FAM153A: variants seen among roughly 807,000 people sequenced by gnomAD.
The protein encoded by FAM153A is protein FAM153A.
A neutral mutation model predicts 48.1 loss-of-function variants in FAM153A; 12 were observed. The ratio of observed to expected loss-of-function variants is 0.25; its 90% CI spans 0.16 to 0.40. The LOEUF (loss-of-function observed/expected upper bound fraction) is 0.40. Ranked by LOEUF, FAM153A falls within the 10% of genes least tolerant of loss-of-function variation. The probability of loss-of-function intolerance (pLI) is 1.00; values close to 1 mark genes in which losing one functional copy is unlikely to be tolerated. For missense variants in FAM153A, 111 were observed against 345.8 expected, an observed-to-expected ratio of 0.32 and a Z score of 5.38; for synonymous variants, 36 against 118.2, an observed-to-expected ratio of 0.30 and a Z score of 4.51.
downstream of FAM153A, among the ~76,000 whole-genome samples, chr5:177,709,663 GT>G (rs1202003911): frequency 3.1e-5 from 4 of 129,718 alleles, no homozygotes; most frequent in Admixed American, 7.9e-5. Context: ...GCCCGGCTGG[GT>G]TTTTTTTTTG....
At chr5:177,699,378 G>A in the FAM153A span, among the ~76,000 whole-genome samples, 161 of 151,244 alleles carry the variant, frequency 1.1e-3, 1 homozygote, top group African/African-American at 3.6e-3. Context: ...GAAAAACAAT[G>A]GAAAAAAATA....
chr5:177,760,894 A>AT (rs1169482462), intron 1 of FAM153A, among the ~76,000 whole-genome samples: 2 of 143,252 alleles, frequency 1.4e-5, no homozygotes, highest in East Asian at 4.2e-4. Flanking sequence ...TTATTTTTAA[A>AT]TAAAAAAAAC....
At chr5:177,719,004 C>T (rs1760501264), downstream of FAM153A, among the ~76,000 whole-genome samples, 1 of 151,450 alleles carries the variant, frequency 6.6e-6, no homozygotes, top group African/African-American at 2.4e-5. Flanking sequence ...CCTCAGCCTC[C>T]CGAGTAACTG....
At chr5:177,749,670 C>T (rs1485161430) in intron 2 of FAM153A, among the ~76,000 whole-genome samples, 3 of 120,748 alleles carry the variant, frequency 2.5e-5, no homozygotes, top group African/African-American at 6.5e-5. Context: ...AGTGTCTATA[C>T]CCACAAATTT....
chr5:177,756,116 G>T (rs943166246), upstream of FAM153A, among the ~76,000 whole-genome samples: 2 of 150,514 alleles, frequency 1.3e-5, no homozygotes, highest in African/African-American at 5.0e-5. Flanking sequence ...ACACACACAG[G>T]CTCAGAATAA....
At chr5:177,715,476 T>G (rs1759523072) in intron 25 of FAM153A, among the ~76,000 whole-genome samples, 1 of 151,608 alleles carries the variant, frequency 6.6e-6, no homozygotes, top group East Asian at 1.9e-4. Context: ...AAAGACAATA[T>G]TTTATGAAAT....
the FAM153A span, among the ~76,000 whole-genome samples, chr5:177,701,715 A>G: frequency 6.6e-6 from 1 of 151,826 alleles, no homozygotes; most frequent in Non-Finnish European, 1.5e-5. Context: ...GCAGCTTTGG[A>G]ACTGGGTAAC....
the FAM153A span, among the ~76,000 whole-genome samples, chr5:177,702,633 C>T: frequency 6.6e-6 from 1 of 151,840 alleles, no homozygotes; most frequent in Non-Finnish European, 1.5e-5. Flanking sequence ...GACTCAGAGG[C>T]CTAGAAGGGA....
the FAM153A span, among the ~76,000 whole-genome samples, chr5:177,700,871 T>G: frequency 6.6e-6 from 1 of 151,992 alleles, no homozygotes; most frequent in African/African-American, 2.4e-5. Flanking sequence ...TATACCCTAG[T>G]AATGAACACT....
Position 177,738,622 on chromosome 5 carries a change from G to A in FAM153A, c.562+491C>T, listed in dbSNP as rs142197256. ...GTTCACCTCTGCCTCTTGCACTGAGGAGATAAAGCGCTTGGCAAATTCATC... is the reference window on the plus strand; with the variant it reads ...GTTCACCTCTGCCTCTTGCACTGAGAAGATAAAGCGCTTGGCAAATTCATC... On this transcript the variant is annotated intron_variant, in intron 10 of 20. Transcript: ENST00000614127. Among the ~76,000 whole-genome samples, 25 of 151,406 alleles carry A rather than the reference G, an allele frequency of 1.7e-4. No homozygotes were observed. In the East Asian group the frequency reaches 4.0e-3, roughly 24 times the overall value.
chr5:177,707,898 G>C (rs1758004951), downstream of FAM153A: 1 of 151,990 alleles, frequency 6.6e-6, no homozygotes, highest in Admixed American at 6.6e-5. Flanking sequence ...AGAAGGGGCA[G>C]CAATGTCTGT....
chr5:177,752,487 G>GGT (rs1463645353), intron 1 of FAM153A, among the ~76,000 whole-genome samples: 1 of 140,722 alleles, frequency 7.1e-6, no homozygotes, highest in East Asian at 2.0e-4. Flanking sequence ...CAGGCATGGT[G>GGT]GCAGGCACCC....
intron 1 of FAM153A, among the ~76,000 whole-genome samples, chr5:177,759,449 A>C (rs1323379441): frequency 6.6e-6 from 1 of 151,788 alleles, no homozygotes; most frequent in Non-Finnish European, 1.5e-5. Context: ...CATTCGACCC[A>C]GCCATCCTAT....
downstream of FAM153A, among the ~76,000 whole-genome samples, chr5:177,710,301 G>A (rs1260211139): frequency 2.0e-5 from 3 of 150,448 alleles, no homozygotes; most frequent in Admixed American, 6.6e-5. Flanking sequence ...TAGTAGAGAC[G>A]GAGTTTCACC....
At chr5:177,755,112 A>G (rs548151796), upstream of FAM153A, among the ~76,000 whole-genome samples, 3,122 of 151,962 alleles carry the variant, frequency 0.021, 149 homozygotes, top group African/African-American at 0.071. Context: ...ATGGCTAACT[A>G]GAATAACCAA....
At chr5:177,755,410 T>G (rs1249921998), upstream of FAM153A, among the ~76,000 whole-genome samples, 1 of 151,888 alleles carries the variant, frequency 6.6e-6, no homozygotes, top group Non-Finnish European at 1.5e-5. Context: ...GAAAACACTC[T>G]GCAGGATATT....
rs1432705905 is a variant in FAM153A at position 177,766,226 on chromosome 5, C to T, written c.-57+14223G>A. On this transcript the variant is annotated intron_variant, in intron 1 of 8. Transcript: ENST00000393518. ...ATGAGTTGAAATCTCCTTTCTGCCA[C>T]TTCCTATATATAAAAAAACTATCCT... 2.9e-4 allele frequency among the ~76,000 whole-genome samples: 31 copies of T among 105,640 alleles called. 12 individuals carry two copies. Among genetic ancestry groups the T allele is most frequent in the Admixed American group, 2.6e-3 (26 of 9,938 alleles). The allele number at this position is 105,640 out of a possible 152,430, so 69.3% of individuals were successfully genotyped here.
At chr5:177,702,097 A>G in the FAM153A span, among the ~76,000 whole-genome samples, 1 of 151,548 alleles carries the variant, frequency 6.6e-6, no homozygotes, top group Non-Finnish European at 1.5e-5. Context: ...TTTAGTAGAG[A>G]CGGGGTTTCA....
At chr5:177,709,457 G>A (rs1458803252), downstream of FAM153A, among the ~76,000 whole-genome samples, 14 of 148,616 alleles carry the variant, frequency 9.4e-5, no homozygotes, top group East Asian at 2.6e-3. Flanking sequence ...CACCTTCCAG[G>A]TTCAAGCGAT....
Sources: gnomAD v4.1 joint callset for allele counts (sites outside exome capture counted in the v4.1 genomes callset) on GRCh38, gnomAD v4.1.1 for gene constraint, MANE v1.5 for transcripts, NCBI Gene and HGNC (gene_info 2026-07-23, HGNC 2026-07-21) for gene names.